The following MTF1 variants were observed in gnomAD, a reference collection of about 807,000 sequenced individuals.
MTF1 encodes MRE-binding transcription factor.
Under a neutral mutation model 70.4 loss-of-function variants are expected in MTF1, and 22 were observed. The observed-to-expected ratio is 0.31, with a 90% CI of 0.22 to 0.45. The LOEUF is 0.45. Ranked by LOEUF, MTF1 falls within the 20% of genes least tolerant of loss-of-function variation. The pLI is 1.00. For synonymous variants in MTF1, 333 were observed against 352.8 expected, an observed-to-expected ratio of 0.94 and a Z score of 0.63; for missense variants, 649 against 922.0, an observed-to-expected ratio of 0.70 and a Z score of 3.83.
chr1:37,849,823 G>C (rs1641387604), intron 2 of MTF1, among the ~76,000 whole-genome samples: 1 of 152,088 alleles, frequency 6.6e-6, no homozygotes, highest in African/African-American at 2.4e-5. Flanking sequence ...GAAGTTCCAG[G>C]TTACAGTGAG....
chr1:37,841,895 G>A (rs969051961), intron 2 of MTF1, among the ~76,000 whole-genome samples: 16 of 152,034 alleles, frequency 1.1e-4, no homozygotes, highest in Admixed American at 5.9e-4. Context: ...AAAATCAGCC[G>A]AGCATGGTGA....
At chr1:37,834,763 A>AG (rs1158267246) in intron 6 of MTF1, 3 of 512,850 alleles carry the variant, frequency 5.8e-6, no homozygotes, top group Non-Finnish European at 1.1e-5. Flanking sequence ...GTGGAGTGTG[A>AG]GGGAAAAAAG....
rs41267341 is a variant in MTF1, at chr1:37,857,470, G to A, written c.189C>T (p.Asp63=). The change falls in exon 2 of 11, where the codon GAC becomes GAT. Residue 63 remains aspartate, a synonymous_variant. Coordinates refer to ENST00000373036, the MANE Select transcript of MTF1 (RefSeq NM_005955.3). ...GCAAGTGTTCTCCGCACTGTCCGTC[G>A]TCATCTTCATCCTCCAAAGTGCCAG... ...QDPGTLEDED[D]DGQCGEHLPF... is the part of the protein sequence containing the mutation. The A allele has an allele frequency of 9.3e-6, 15 of 1,614,108 alleles. No individual in the cohort carries two copies. Among genetic ancestry groups the A allele is most frequent in the East Asian group, 4.5e-5 (2 of 44,886 alleles).
At chr1:37,829,225 C>T (rs1420546884) in intron 7 of MTF1, among the ~76,000 whole-genome samples, 1 of 151,810 alleles carries the variant, frequency 6.6e-6, no homozygotes, top group Non-Finnish European at 1.5e-5. Flanking sequence ...TTGCCTCAGC[C>T]TCCCAGATAG....
intron 3 of MTF1, 41 bp from the exon 4 acceptor site, chr1:37,838,797 CTTTTTTTTTT>C (rs746478428): frequency 2.5e-5 from 12 of 473,676 alleles, no homozygotes; most frequent in African/African-American, 1.1e-4. Flanking sequence ...TCATAAAATT[CTTTTTTTTTT>C]TTTTTTTTTT....
At chr1:37,835,584 A>G (rs2148411316) in intron 5 of MTF1, 87 bp downstream of exon 5, 1 of 974,394 alleles carries the variant, frequency 1.0e-6, no homozygotes, top group Non-Finnish European at 1.6e-6. Context: ...CAGGATCTAT[A>G]TCTCTGTATA....
intron 9 of MTF1, among the ~76,000 whole-genome samples, chr1:37,818,738 T>C (rs1295153432): frequency 6.7e-6 from 1 of 149,486 alleles, no homozygotes; most frequent in Non-Finnish European, 1.5e-5. Context: ...CTCACGCCTG[T>C]AATCCCAGCA....
Position 37,857,400 on chromosome 1 carries a change from C to T in MTF1, c.259G>A (p.Glu87Lys). ...TGCACATAACCCTGGGACATTGCTT[C>T]ATGATCTATCAGGTGAAAGCCCTCT... The part of the protein sequence containing the change: ...GEEGFHLIDH[E>K]AMSQGYVQHI... The change falls in exon 2 of 11, where the codon GAA becomes AAA. Residue 87 changes from glutamate to lysine, a missense_variant. Physicochemically the swap from Glu to Lys is moderately conservative, Grantham distance 56. Around this residue, in one of 7 missense-constraint regions of MTF1, gnomAD observed 44 missense variants for 38.1 expected, o/e 1.15. Transcript: ENST00000373036. 1 of 1,614,208 alleles carries T rather than the reference C, an allele frequency of 6.2e-7. No homozygotes were observed.
chr1:37,825,269 C>T (rs2148404442), intron 7 of MTF1, among the ~76,000 whole-genome samples: 1 of 152,248 alleles, frequency 6.6e-6, no homozygotes, highest in South Asian at 2.1e-4. Context: ...GGTTTCTTTA[C>T]TCTGTTGCCC....
intron 7 of MTF1, chr1:37,828,345 C>A: frequency 2.8e-6 from 1 of 360,240 alleles, no homozygotes; most frequent in Non-Finnish European, 5.4e-6. Context: ...GCTCTTGTCA[C>A]CCAGACTGGA....
rs1640957011 is a variant in MTF1, at chr1:37,823,792, G to A, written c.1089C>T (p.Ser363=). The A allele has an allele frequency of 1.2e-6, 2 of 1,613,950 alleles. No individual in the cohort carries two copies. Among genetic ancestry groups the A allele is most frequent in the East Asian group, 4.5e-5 (2 of 44,866 alleles). ...CAAAGATGATTGCTGGTGAAATTGT[G>A]CTGAGGTCCTGGCCCTGGGTCTGAT... ...NSSTTQGQDL[S]TISPAIIFES... is the part of the protein sequence containing the mutation. Residue 363 remains serine, a synonymous_variant, in exon 8 of 11, where the codon AGC becomes AGT. Transcript: ENST00000373036.
rs550760531 is a variant in MTF1 at position 37,827,552 on chromosome 1, T to C, written c.1069-3740A>G. Among the ~76,000 whole-genome samples the C allele has an allele frequency of 1.2e-3, 186 of 152,018 alleles. 1 individual carries two copies. The highest frequency in any genetic ancestry group is 1.8e-3 in the Non-Finnish European group (123 of 67,972). On this transcript the variant is annotated intron_variant, in intron 7 of 10. Coordinates refer to ENST00000373036, the MANE Select transcript of MTF1 (RefSeq NM_005955.3). ...TTGTTTTTTGTATTTTTAGTAGAGA[T>C]GGGGTTTCACCGTGTTAGCCAAAAT...
intron 7 of MTF1, among the ~76,000 whole-genome samples, chr1:37,824,145 C>A (rs978475172): frequency 1.3e-5 from 2 of 152,176 alleles, no homozygotes; most frequent in African/African-American, 2.4e-5. Context: ...CCATGCCCAG[C>A]CCCTCAAACA....
rs1392607051 is a variant in MTF1 at position 37,809,972 on chromosome 1, G to A, written c.*5164C>T. ...GGGCTCTTGCCTTTCCTGGCTAGAA[G>A]ATCTGAGCCAGAAATTCAGCAAAAA... On this transcript the variant is annotated 3_prime_UTR_variant, in exon 11 of 11. Coordinates refer to ENST00000373036, the MANE Select transcript of MTF1 (RefSeq NM_005955.3). 5 of 152,500 alleles carry A rather than the reference G, an allele frequency of 3.3e-5. No individual in the cohort carries two copies. The highest frequency in any genetic ancestry group is 1.2e-4 in the African/African-American group (5 of 41,416). 9.4% of individuals were successfully genotyped at this position (152,500 alleles called of 1,614,324 possible).
At position 37,811,270 on chromosome 1, in the gene MTF1, G is replaced by A. The variant is rs1238818842; in HGVS notation, c.*3866C>T. On this transcript the variant is annotated 3_prime_UTR_variant, in exon 11 of 11. Transcript: ENST00000373036. ...GGGCGCCCTGGGGCACACAGGGAAG[G>A]CTTGCATAGATTGAGCGGTTGCTGA... 1.3e-5 allele frequency: 2 copies of A among 152,722 alleles called. No homozygotes were observed. The highest frequency in any genetic ancestry group is 2.9e-5 in the Non-Finnish European group (2 of 68,098). The allele number at this position is 152,722 out of a possible 1,614,324, so 9.5% of individuals were successfully genotyped here.
chr1:37,846,956 T>G (rs924862065), intron 2 of MTF1, among the ~76,000 whole-genome samples: 2 of 152,194 alleles, frequency 1.3e-5, no homozygotes, highest in Admixed American at 1.3e-4. Context: ...CTATAGAAAC[T>G]GCCTTTTCCT....
At chr1:37,845,209 GACT>G (rs1470140681) in intron 2 of MTF1, among the ~76,000 whole-genome samples, 9 of 152,208 alleles carry the variant, frequency 5.9e-5, no homozygotes, top group African/African-American at 1.9e-4. Context: ...TAGTGACAAG[GACT>G]ACAAGTGACA....
intron 2 of MTF1, among the ~76,000 whole-genome samples, chr1:37,849,125 G>A (rs947340555): frequency 6.6e-6 from 1 of 152,148 alleles, no homozygotes; most frequent in Non-Finnish European, 1.5e-5. Context: ...ATACCAAGCA[G>A]CCTAAAAACA....
chr1:37,842,684 C>G (rs1490901818), intron 2 of MTF1, among the ~76,000 whole-genome samples: 4 of 152,130 alleles, frequency 2.6e-5, no homozygotes, highest in African/African-American at 9.7e-5. Flanking sequence ...CTAGACTTGG[C>G]AGCAGAAGAC....
Sources: gnomAD v4.1 joint callset for allele counts (sites outside exome capture counted in the v4.1 genomes callset) on GRCh38, gnomAD v4.1.1 for gene constraint, gnomAD v4.1.1 regional missense constraint, MANE v1.5 for transcripts, NCBI Gene and HGNC (gene_info 2026-07-23, HGNC 2026-07-21) for gene names.